Variants in NKAIN3 observed in about 807,000 individuals in gnomAD.
The protein encoded by NKAIN3 is sodium/potassium-transporting ATPase subunit beta-1-interacting protein 3.
A neutral mutation model predicts 30.2 loss-of-function variants in NKAIN3; 25 were observed. The ratio of observed to expected loss-of-function variants is 0.83; its 90% CI spans 0.60 to 1.16. The LOEUF (loss-of-function observed/expected upper bound fraction) is 1.16, where lower values mean the gene tolerates loss of function less well. NKAIN3 is among the 50% of genes most tolerant of loss of function. The pLI, the probability that NKAIN3 is intolerant of heterozygous loss-of-function variation, is 0.00. For synonymous variants in NKAIN3, 91 were observed against 89.6 expected (o/e 1.02, Z -0.09); for missense variants, 225 against 254.1 (o/e 0.89, Z 0.78).
At position 62,422,883 on chromosome 8, in the gene NKAIN3, G is replaced by A. The variant is rs181492465; in HGVS notation, c.55-156656G>A. Among the ~76,000 whole-genome samples the A allele has an allele frequency of 2.2e-3, 341 of 152,158 alleles. 1 individual carries two copies. The highest frequency in any genetic ancestry group is 7.8e-3 in the African/African-American group (323 of 41,546). On this transcript the variant is annotated intron_variant, in intron 1 of 6. Coordinates refer to ENST00000623646, the MANE Select transcript of NKAIN3 (RefSeq NM_001304533.3). Reference sequence around the variant, plus strand: ...AAAAATTAAGATAGTTTTTAAATTCGTGGTAGGCTGTCATAAGAAACAATC... The same window carrying A: ...AAAAATTAAGATAGTTTTTAAATTCATGGTAGGCTGTCATAAGAAACAATC...
At chr8:62,610,804 A>T (rs1425101318) in intron 3 of NKAIN3, among the ~76,000 whole-genome samples, 1 of 151,970 alleles carries the variant, frequency 6.6e-6, no homozygotes, top group East Asian at 1.9e-4. Context: ...TTATTTCCAG[A>T]TGCCAAGATT....
intron 1 of NKAIN3, among the ~76,000 whole-genome samples, chr8:62,414,487 A>G (rs1481224557): frequency 1.3e-5 from 2 of 152,206 alleles, no homozygotes; most frequent in African/African-American, 4.8e-5. Flanking sequence ...GTTGTGTGAC[A>G]GTTAGCAACA....
rs1813687091 is a variant in NKAIN3, at chr8:62,682,911, A to C, written c.274-64021A>C. 3.3e-5 allele frequency among the ~76,000 whole-genome samples: 5 copies of C among 152,246 alleles called. No homozygotes were observed. In the South Asian group the frequency reaches 1.0e-3, roughly 32 times the overall value. The stretch of plus-strand genomic sequence containing the variant: ...CTTTCTCTACCCACCCTGGTAGCTA[A>C]AGACAAAAGCCATATTTTCTTGGAA... On this transcript the variant is annotated intron_variant, in intron 3 of 6. Transcript: ENST00000623646.
intron 1 of NKAIN3, among the ~76,000 whole-genome samples, chr8:62,340,722 A>C (rs1247132817): frequency 6.6e-6 from 1 of 151,980 alleles, no homozygotes; most frequent in Non-Finnish European, 1.5e-5. Context: ...TGCTGAGGGC[A>C]GGCTAGGGTG....
At chr8:62,664,998 T>C (rs980719925) in intron 3 of NKAIN3, among the ~76,000 whole-genome samples, 2 of 152,202 alleles carry the variant, frequency 1.3e-5, no homozygotes, top group African/African-American at 4.8e-5. Context: ...TTGAAATTTC[T>C]ACTTGAACTT....
Position 62,490,142 on chromosome 8 carries a change from C to G in NKAIN3, c.55-89397C>G, listed in dbSNP as rs904915687. Among the ~76,000 whole-genome samples the G allele has an allele frequency of 1.3e-4, 20 of 152,190 alleles. 1 individual carries two copies. The highest frequency in any genetic ancestry group is 1.2e-3 in the Admixed American group (18 of 15,272). On this transcript the variant is annotated intron_variant, in intron 1 of 6. Transcript: ENST00000623646. ...TGTACATTTCATCCATATTCAAATA[C>G]TAATCTAGCAGTTTCTGTAGAGGTT...
chr8:62,557,762 A>G (rs933165821), intron 1 of NKAIN3, among the ~76,000 whole-genome samples: 2 of 151,380 alleles, frequency 1.3e-5, no homozygotes, highest in Non-Finnish European at 3.0e-5. Flanking sequence ...TTGTTTGTTT[A>G]TGTCTTGCTA....
chr8:62,683,479 T>C (rs930134744), intron 3 of NKAIN3, among the ~76,000 whole-genome samples: 4 of 152,176 alleles, frequency 2.6e-5, no homozygotes, highest in African/African-American at 7.2e-5. Context: ...ATTAGCTCTT[T>C]ATGTGCAAGG....
At chr8:62,893,027 A>G (rs1821337404) in intron 4 of NKAIN3, among the ~76,000 whole-genome samples, 1 of 152,194 alleles carries the variant, frequency 6.6e-6, no homozygotes, top group Non-Finnish European at 1.5e-5. Flanking sequence ...AATAAATTGT[A>G]TAATTTTTTC....
chr8:62,405,620 G>A (rs1407717771), intron 1 of NKAIN3, among the ~76,000 whole-genome samples: 1 of 152,184 alleles, frequency 6.6e-6, no homozygotes, highest in Non-Finnish European at 1.5e-5. Flanking sequence ...ATGCGGCAGT[G>A]CTGCTGCTGG....
chr8:62,510,466 C>CA lies in NKAIN3; in HGVS notation c.55-69072dup, dbSNP rs536633375. ...TTGATGTCAGCTTACCATGACAACT[C>CA]ACGGCAGTGCAGAAGCACATGTCCA... is the stretch of plus-strand genomic sequence containing the variant. On this transcript the variant is annotated intron_variant, in intron 1 of 6. Transcript: ENST00000623646. Among the ~76,000 whole-genome samples the CA allele has an allele frequency of 4.6e-3, 704 of 152,230 alleles. 6 individuals are homozygous for CA. The highest frequency in any genetic ancestry group is 0.016 in the African/African-American group (665 of 41,548).
At chr8:62,297,995 A>G (rs1228642576) in intron 1 of NKAIN3, among the ~76,000 whole-genome samples, 2 of 152,156 alleles carry the variant, frequency 1.3e-5, no homozygotes, top group African/African-American at 2.4e-5. Flanking sequence ...ATGCAGCCAT[A>G]AAAAATGATG....
chr8:62,929,179 T>C (rs1242143849), intron 5 of NKAIN3, among the ~76,000 whole-genome samples: 1 of 152,148 alleles, frequency 6.6e-6, no homozygotes, highest in Non-Finnish European at 1.5e-5. Flanking sequence ...CAGAAGCAGC[T>C]TCATACCAAA....
chr8:62,655,777 G>C (rs1256766584), intron 3 of NKAIN3, among the ~76,000 whole-genome samples: 1 of 152,006 alleles, frequency 6.6e-6, no homozygotes, highest in Non-Finnish European at 1.5e-5. Flanking sequence ...GGAAGGGGAT[G>C]ATGATGTATA....
chr8:62,949,055 C>CTGAG (rs1823206069), intron 5 of NKAIN3, among the ~76,000 whole-genome samples: 1 of 152,202 alleles, frequency 6.6e-6, no homozygotes, highest in African/African-American at 2.4e-5. Context: ...TTTCTCAGAG[C>CTGAG]TGAGGGTGAC....
intron 4 of NKAIN3, among the ~76,000 whole-genome samples, chr8:62,771,098 T>C (rs953262442): frequency 7.2e-5 from 11 of 152,250 alleles, no homozygotes; most frequent in African/African-American, 2.6e-4. Context: ...AAAGTATTAA[T>C]TATCAAAATG....
At chr8:62,672,654 G>A (rs1324190095) in intron 3 of NKAIN3, among the ~76,000 whole-genome samples, 1 of 152,170 alleles carries the variant, frequency 6.6e-6, no homozygotes, top group South Asian at 2.1e-4. Context: ...GCTTAGACAG[G>A]CACTGACCAT....
At chr8:62,918,369 T>C (rs1822171252) in intron 4 of NKAIN3, 84 bp from the exon 5 acceptor site, 1 of 957,620 alleles carries the variant, frequency 1.0e-6, no homozygotes, top group South Asian at 1.5e-5. Context: ...CTCATAAATA[T>C]TTATCTTTAT....
At chr8:62,884,899 A>G (rs1246480999) in intron 4 of NKAIN3, among the ~76,000 whole-genome samples, 1 of 150,450 alleles carries the variant, frequency 6.6e-6, no homozygotes, top group Non-Finnish European at 1.5e-5. Context: ...TATCAATGTT[A>G]TTGATTTTTT....
Sources: allele counts gnomAD v4.1 joint callset (sites outside exome capture counted in the v4.1 genomes callset), GRCh38; gene constraint gnomAD v4.1.1; transcripts MANE v1.5; gene names NCBI Gene and HGNC (gene_info 2026-07-23, HGNC 2026-07-21).